SEL1L3: variants seen among roughly 807,000 people sequenced by gnomAD.
SEL1L3 encodes the protein SEL1L family member 3.
A neutral mutation model predicts 142.8 loss-of-function variants in SEL1L3; 76 were observed. The ratio of observed to expected loss-of-function variants is 0.53; its 90% confidence interval spans 0.44 to 0.64. The LOEUF (loss-of-function observed/expected upper bound fraction) is 0.64. Ranked by LOEUF, SEL1L3 falls within the 30% of genes least tolerant of loss-of-function variation. The pLI is 0.00. For synonymous variants in SEL1L3, 504 were observed against 519.6 expected (o/e 0.97, Z 0.41); for missense variants, 1,262 against 1,381.7 (o/e 0.91, Z 1.37).
chr4:25,842,431 G>A (rs1577684747), intron 2 of SEL1L3, among the ~76,000 whole-genome samples: 1 of 152,154 alleles, frequency 6.6e-6, no homozygotes, highest in Non-Finnish European at 1.5e-5. Context: ...AAAAGAAACT[G>A]CTTTAGCAAA....
chr4:25,744,366 T>TTTTTTTTTTTTTG (rs1717199952), downstream of SEL1L3, among the ~76,000 whole-genome samples: 1 of 146,144 alleles, frequency 6.8e-6, no homozygotes. Context: ...TTTTTTTTTT[T>TTTTTTTTTTTTTG]GAGACGGAGC....
chr4:25,814,303 G>A (rs1381490461), intron 9 of SEL1L3, among the ~76,000 whole-genome samples: 3 of 152,102 alleles, frequency 2.0e-5, no homozygotes, highest in South Asian at 2.1e-4. Context: ...ATCCTGGCTC[G>A]TAGGGGGCAC....
intron 13 of SEL1L3, 79 bp from the exon 14 acceptor site, chr4:25,784,369 T>TA (rs754575873): frequency 3.2e-5 from 35 of 1,095,554 alleles, no homozygotes; most frequent in Non-Finnish European, 2.8e-6. Context: ...GTGTTGGATA[T>TA]AAAATACTTA....
At chr4:25,759,179 T>C (rs956156699) in intron 20 of SEL1L3, 111 bp from the exon 21 acceptor site, 66 of 1,114,094 alleles carry the variant, frequency 5.9e-5, no homozygotes, top group Non-Finnish European at 7.1e-5. Flanking sequence ...TTTAAGTCTC[T>C]AGAGCCAGAT....
chr4:25,756,237 G>A (rs140450397), intron 23 of SEL1L3: 89 of 985,196 alleles, frequency 9.0e-5, no homozygotes, highest in African/African-American at 3.8e-4. Context: ...TTTTGTAGCC[G>A]TCCGAGATGG....
chr4:25,809,107 A>G (rs1053839947), intron 9 of SEL1L3, among the ~76,000 whole-genome samples: 13 of 148,088 alleles, frequency 8.8e-5, no homozygotes, highest in Non-Finnish European at 1.8e-4. Flanking sequence ...GTATCTTTCT[A>G]TGTACTGGGT....
At position 25,765,489 on chromosome 4, in the gene SEL1L3, A is replaced by G. The variant is rs1369998702; in HGVS notation, c.2846-54T>C. The G allele has an allele frequency of 4.4e-6, 5 of 1,131,072 alleles. No homozygotes were observed. In the African/African-American group the frequency reaches 7.7e-5, roughly 17 times the overall value. 70.1% of individuals were successfully genotyped at this position (1,131,072 alleles called of 1,614,324 possible). A position where few individuals can be genotyped will look rare whatever the true frequency, so the allele number is the denominator to read the frequency against. ...GTCAAGTGGTTTTTTTTATACCAAC[A>G]TTTTAAATTATTGGCGCATTCACAT... On this transcript the variant is annotated intron_variant, in intron 19 of 23. Transcript: ENST00000399878.
intron 9 of SEL1L3, among the ~76,000 whole-genome samples, chr4:25,816,624 T>G (rs1714409908): frequency 6.6e-6 from 1 of 152,120 alleles, no homozygotes; most frequent in South Asian, 2.1e-4. Context: ...GCCACCAGAG[T>G]GACCTCAAAA....
chr4:25,724,538 G>C, the SEL1L3 span, among the ~76,000 whole-genome samples: 1 of 151,734 alleles, frequency 6.6e-6, no homozygotes, highest in Non-Finnish European at 1.5e-5. Flanking sequence ...TCAGGAAATC[G>C]AGACTATCCT....
chr4:25,812,915 A>G (rs1714129395), intron 9 of SEL1L3, among the ~76,000 whole-genome samples: 1 of 152,216 alleles, frequency 6.6e-6, no homozygotes, highest in Non-Finnish European at 1.5e-5. Context: ...CAGGAGGCTG[A>G]GGCAGGAGAA....
At chr4:25,736,971 C>CTTTTTTT in the SEL1L3 span, among the ~76,000 whole-genome samples, 2 of 149,426 alleles carry the variant, frequency 1.3e-5, no homozygotes, top group Admixed American at 6.7e-5. Context: ...ATATGCTACT[C>CTTTTTTT]TTTTTTTTTC....
At chr4:25,738,829 C>T in the SEL1L3 span, among the ~76,000 whole-genome samples, 14 of 152,186 alleles carry the variant, frequency 9.2e-5, no homozygotes, top group Non-Finnish European at 1.5e-5. Context: ...AGTGGTCACA[C>T]TAATGCATTT....
intron 2 of SEL1L3, among the ~76,000 whole-genome samples, chr4:25,839,938 G>A (rs1340932762): frequency 1.3e-5 from 2 of 152,156 alleles, no homozygotes; most frequent in African/African-American, 4.8e-5. Flanking sequence ...AGTCCAGTGG[G>A]TGAAGAAAAC....
intron 17 of SEL1L3, among the ~76,000 whole-genome samples, chr4:25,772,130 A>G (rs775665559): frequency 3.6e-4 from 55 of 152,228 alleles, no homozygotes; most frequent in Admixed American, 1.3e-3. Context: ...TTGGACGGTG[A>G]GGAGGCCAGC....
the SEL1L3 span, among the ~76,000 whole-genome samples, chr4:25,717,687 G>A: frequency 6.6e-6 from 1 of 152,134 alleles, no homozygotes; most frequent in Admixed American, 6.6e-5. Context: ...ATGAACAGAG[G>A]AGGAATTTAG....
the SEL1L3 span, chr4:25,719,390 T>A: frequency 6.6e-6 from 1 of 152,134 alleles, no homozygotes; most frequent in African/African-American, 2.4e-5. Context: ...AAAGAGGATA[T>A]AAAATATAAT....
At chr4:25,781,337 T>C (rs1719987506) in intron 15 of SEL1L3, among the ~76,000 whole-genome samples, 1 of 152,142 alleles carries the variant, frequency 6.6e-6, no homozygotes, top group Admixed American at 6.5e-5. Flanking sequence ...CACATTTTGT[T>C]AAATGTAGCG....
At chr4:25,834,882 C>CTG (rs1374151714) in intron 3 of SEL1L3, among the ~76,000 whole-genome samples, 1 of 152,194 alleles carries the variant, frequency 6.6e-6, no homozygotes, top group African/African-American at 2.4e-5. Flanking sequence ...AAAGCCAAGG[C>CTG]TGCAATGTGT....
At chr4:25,730,172 G>T in the SEL1L3 span, among the ~76,000 whole-genome samples, 2 of 152,034 alleles carry the variant, frequency 1.3e-5, no homozygotes, top group Admixed American at 6.6e-5. Flanking sequence ...GACCTCAAGT[G>T]ACCCGCCCAC....
Sources: gnomAD v4.1 joint callset for allele counts (sites outside exome capture counted in the v4.1 genomes callset) on GRCh38, gnomAD v4.1.1 for gene constraint, MANE v1.5 for transcripts, NCBI Gene and HGNC (gene_info 2026-07-23, HGNC 2026-07-21) for gene names.